Variants in TRIM55 observed in about 807,000 individuals in gnomAD.
The protein encoded by TRIM55 is tripartite motif containing 55.
TRIM55 carries 50 observed loss-of-function variants against 60.9 expected under a neutral mutation model. That is an observed-to-expected ratio of 0.82 (90% CI 0.65 to 1.04). TRIM55 has a LOEUF of 1.04. Ranked by LOEUF, TRIM55 falls within the 50% of genes least tolerant of loss-of-function variation. TRIM55 has a pLI of 0.00. For synonymous variants in TRIM55, 237 were observed against 238.1 expected, an observed-to-expected ratio of 1.00 and a Z score of 0.04; for missense variants, 681 against 666.9, an observed-to-expected ratio of 1.02 and a Z score of -0.23.
At chr8:66,123,090 G>A (rs539194717), upstream of TRIM55, among the ~76,000 whole-genome samples, 1 of 152,158 alleles carries the variant, frequency 6.6e-6, no homozygotes, top group South Asian at 2.1e-4. Flanking sequence ...CTGCACAAGG[G>A]CATTGGTCTT....
upstream of TRIM55, among the ~76,000 whole-genome samples, chr8:66,122,719 A>T (rs368731530): frequency 2.0e-5 from 3 of 152,174 alleles, no homozygotes; most frequent in African/African-American, 7.2e-5. Context: ...AAGATCACAC[A>T]TGACTCCTTC....
chr8:66,114,295 G>A, the TRIM55 span, among the ~76,000 whole-genome samples: 1 of 152,026 alleles, frequency 6.6e-6, no homozygotes, highest in Admixed American at 6.5e-5. Flanking sequence ...TTTTTCTTTC[G>A]ATTCTCAGCC....
intron 4 of TRIM55, among the ~76,000 whole-genome samples, chr8:66,137,954 G>A (rs1809581716): frequency 6.6e-6 from 1 of 152,124 alleles, no homozygotes; most frequent in Non-Finnish European, 1.5e-5. Context: ...TATCTTTTCA[G>A]GAATTGAAAA....
Position 66,149,734 on chromosome 8 carries a change from A to C in TRIM55, c.693A>C (p.Gln231His). Residue 231 changes from glutamine to histidine, a missense_variant, in exon 5 of 10, where the codon CAA becomes CAC. Coordinates refer to ENST00000315962, the MANE Select transcript of TRIM55 (RefSeq NM_184085.2). The stretch of plus-strand genomic sequence containing the variant: ...AGGAGAGGAAGAATGAAATGACCCA[A>C]GTCATTACCCGAACCCAAGAGGAGA... ...ILEERKNEMT[Q>H]VITRTQEEKL... 1 of 1,614,030 alleles carries C rather than the reference A, an allele frequency of 6.2e-7. No individual in the cohort carries two copies.
chr8:66,173,534 C>T (rs912167046), intron 9 of TRIM55, among the ~76,000 whole-genome samples: 6 of 152,232 alleles, frequency 3.9e-5, no homozygotes, highest in African/African-American at 1.4e-4. Context: ...TACCTCACTG[C>T]TTTGAAATCA....
At chr8:66,134,722 C>A (rs1475854391) in intron 2 of TRIM55, among the ~76,000 whole-genome samples, 1 of 152,056 alleles carries the variant, frequency 6.6e-6, no homozygotes, top group Non-Finnish European at 1.5e-5. Flanking sequence ...TGGAAATGGG[C>A]AAATGGTACA....
At chr8:66,136,827 T>C (rs1036827648) in intron 3 of TRIM55, among the ~76,000 whole-genome samples, 1 of 152,222 alleles carries the variant, frequency 6.6e-6, no homozygotes, top group South Asian at 2.1e-4. Flanking sequence ...CTCCATGCTA[T>C]TTATAAACAA....
intron 9 of TRIM55, among the ~76,000 whole-genome samples, chr8:66,159,226 T>C (rs1039477289): frequency 2.0e-5 from 3 of 152,210 alleles, no homozygotes; most frequent in Non-Finnish European, 4.4e-5. Context: ...CAACCACTGA[T>C]GTGTTTGATT....
intron 2 of TRIM55, among the ~76,000 whole-genome samples, chr8:66,129,445 A>T (rs1249517280): frequency 2.6e-5 from 4 of 152,220 alleles, no homozygotes; most frequent in African/African-American, 9.6e-5. Flanking sequence ...TGCTCTTGGA[A>T]GGAAAGCTGT....
At chr8:66,142,215 T>C (rs1809857548) in intron 4 of TRIM55, among the ~76,000 whole-genome samples, 1 of 152,200 alleles carries the variant, frequency 6.6e-6, no homozygotes, top group African/African-American at 2.4e-5. Context: ...GATGATGTGA[T>C]CCAATAGGAA....
upstream of TRIM55, among the ~76,000 whole-genome samples, chr8:66,123,506 C>T (rs924775604): frequency 1.3e-5 from 2 of 151,924 alleles, no homozygotes; most frequent in Non-Finnish European, 2.9e-5. Flanking sequence ...GTGTAGCCTC[C>T]AGGGACAGTT....
chr8:66,119,905 C>A, the TRIM55 span, among the ~76,000 whole-genome samples: 1 of 152,204 alleles, frequency 6.6e-6, no homozygotes, highest in South Asian at 2.1e-4. Flanking sequence ...CCACAAGTGA[C>A]TAGAGATTGG....
intron 9 of TRIM55, among the ~76,000 whole-genome samples, chr8:66,160,117 C>CA (rs1196632374): frequency 6.6e-6 from 1 of 152,036 alleles, no homozygotes; most frequent in Non-Finnish European, 1.5e-5. Flanking sequence ...ACACTGTACC[C>CA]AATGTGTAGT....
At chr8:66,165,457 T>A (rs951566532) in intron 9 of TRIM55, among the ~76,000 whole-genome samples, 2 of 152,142 alleles carry the variant, frequency 1.3e-5, no homozygotes, top group African/African-American at 4.8e-5. Flanking sequence ...AGAACATGAT[T>A]TCCCATGAGT....
chr8:66,158,918 T>A (rs2128983513), intron 9 of TRIM55, among the ~76,000 whole-genome samples: 1 of 152,332 alleles, frequency 6.6e-6, no homozygotes, highest in African/African-American at 2.4e-5. Flanking sequence ...TGAAGTCGCC[T>A]AAAGTTACTT....
intron 4 of TRIM55, among the ~76,000 whole-genome samples, chr8:66,147,285 C>T (rs1463581466): frequency 6.6e-6 from 1 of 152,114 alleles, no homozygotes; most frequent in African/African-American, 2.4e-5. Flanking sequence ...AAGGCATTTA[C>T]TATTAAAATA....
At chr8:66,143,702 G>A (rs2128977746) in intron 4 of TRIM55, among the ~76,000 whole-genome samples, 1 of 152,098 alleles carries the variant, frequency 6.6e-6, no homozygotes, top group Middle Eastern at 3.4e-3. Flanking sequence ...CTAGATGCAA[G>A]TCACATTTTA....
intron 3 of TRIM55, among the ~76,000 whole-genome samples, chr8:66,135,903 T>A (rs908535721): frequency 3.3e-5 from 5 of 152,174 alleles, no homozygotes; most frequent in African/African-American, 9.7e-5. Flanking sequence ...GGTACTCCAA[T>A]AGGTGCAGCC....
At chr8:66,141,278 C>T (rs1809800965) in intron 4 of TRIM55, among the ~76,000 whole-genome samples, 1 of 152,206 alleles carries the variant, frequency 6.6e-6, no homozygotes, top group African/African-American at 2.4e-5. Flanking sequence ...CATTTTCCTT[C>T]CATGCTGTGG....
Sources: gnomAD v4.1 joint callset for allele counts (sites outside exome capture counted in the v4.1 genomes callset) on GRCh38, gnomAD v4.1.1 for gene constraint, MANE v1.5 for transcripts, NCBI Gene and HGNC (gene_info 2026-07-23, HGNC 2026-07-21) for gene names.